Variants in NRG2 observed in about 807,000 individuals in gnomAD.
The protein encoded by NRG2 is pro-neuregulin-2, membrane-bound isoform.
Under a neutral mutation model 73.9 loss-of-function variants are expected in NRG2, and 27 were observed. The observed-to-expected ratio is 0.37, with a 90% CI of 0.27 to 0.50. The LOEUF (loss-of-function observed/expected upper bound fraction) is 0.50, where lower values mean the gene tolerates loss of function less well. Ranked by LOEUF, NRG2 falls within the 20% of genes least tolerant of loss-of-function variation. The probability of loss-of-function intolerance (pLI) is 0.96; values close to 1 mark genes in which losing one functional copy is unlikely to be tolerated. For synonymous variants in NRG2, 532 were observed against 541.0 expected (o/e 0.98, Z 0.23); for missense variants, 1,126 against 1,210.1 (o/e 0.93, Z 1.03).
At chr5:139,866,460 A>G (rs1056128747) in intron 4 of NRG2, among the ~76,000 whole-genome samples, 1 of 152,172 alleles carries the variant, frequency 6.6e-6, no homozygotes, top group African/African-American at 2.4e-5. Context: ...TAGTAGGGAA[A>G]TGGGAAGTTG....
intron 1 of NRG2, among the ~76,000 whole-genome samples, chr5:139,896,642 C>G (rs1314123344): frequency 1.3e-5 from 2 of 152,218 alleles, no homozygotes; most frequent in African/African-American, 2.4e-5. Context: ...TGCTCCTTCT[C>G]CTGGATTTCC....
At chr5:140,021,440 G>C (rs1416129753) in intron 1 of NRG2, among the ~76,000 whole-genome samples, 1 of 152,138 alleles carries the variant, frequency 6.6e-6, no homozygotes, top group African/African-American at 2.4e-5. Context: ...TGCTAGGAAT[G>C]GTCCTTTAAG....
At chr5:140,007,682 C>A (rs911484963) in intron 1 of NRG2, among the ~76,000 whole-genome samples, 2 of 152,214 alleles carry the variant, frequency 1.3e-5, no homozygotes, top group Admixed American at 6.5e-5. Context: ...CTCCACCCAA[C>A]CCCTGAGAAA....
intron 1 of NRG2, among the ~76,000 whole-genome samples, chr5:139,978,848 A>G (rs912913009): frequency 4.6e-5 from 7 of 152,146 alleles, no homozygotes; most frequent in South Asian, 2.1e-4. Context: ...ATGTCCATCA[A>G]TGATAGACTG....
At chr5:139,989,829 C>T (rs57456296) in intron 1 of NRG2, among the ~76,000 whole-genome samples, 3,691 of 150,396 alleles carry the variant, frequency 0.025, 113 homozygotes, top group African/African-American at 0.027. Flanking sequence ...TTGCCTTTTG[C>T]CCAGGCCGGA....
chr5:139,952,756 G>A (rs570029459), intron 1 of NRG2, among the ~76,000 whole-genome samples: 1 of 152,114 alleles, frequency 6.6e-6, no homozygotes, highest in East Asian at 1.9e-4. Context: ...GGAGTGGGGC[G>A]GTGCGTGTGT....
In NRG2 at chr5:139,851,477, T is replaced by G; in HGVS notation, c.1772+127A>C. The G allele has an allele frequency of 1.1e-6, 1 of 887,290 alleles. No individual in the cohort carries two copies. Among genetic ancestry groups the G allele is most frequent in the Non-Finnish European group, 1.7e-6 (1 of 578,114 alleles). 55.0% of individuals were successfully genotyped at this position (887,290 alleles called of 1,614,324 possible). A position where few individuals can be genotyped will look rare whatever the true frequency, so the allele number is the denominator to read the frequency against. ...CCATTTCACCTTTTCTAGGACCTTG[T>G]TTTCCCATATGAAAAATGGAGATGA... On this transcript the variant is annotated intron_variant, in intron 9 of 9. Transcript: ENST00000361474. The surrounding 1 kb of genome is among the most constrained non-coding windows in gnomAD (Gnocchi z 4.2).
At position 140,042,795 on chromosome 5, in the gene NRG2, C is replaced by A; in HGVS notation, c.275G>T (p.Gly92Val). Residue 92 changes from glycine to valine, a missense_variant, in exon 1 of 10, where the codon GGC becomes GTC. Coordinates refer to ENST00000361474, the MANE Select transcript of NRG2 (RefSeq NM_004883.3). The stretch of plus-strand genomic sequence containing the variant: ...GCCGGGGGCCGGGTCGCGCCTCATG[C>A]CGCCGGCGGCTGCGGCTCGCGAACG... ...AARSRAAAAG[G>V]MRRDPAPGFS... 6.6e-7 allele frequency: 1 copy of A among 1,508,682 alleles called. No individual in the cohort carries two copies. Among genetic ancestry groups the A allele is most frequent in the Non-Finnish European group, 8.8e-7 (1 of 1,130,342 alleles). The allele number at this position is 1,508,682 out of a possible 1,614,324, so 93.5% of individuals were successfully genotyped here.
chr5:139,983,419 C>T (rs560668063), intron 1 of NRG2, among the ~76,000 whole-genome samples: 4 of 152,306 alleles, frequency 2.6e-5, no homozygotes, highest in Admixed American at 1.3e-4. Flanking sequence ...GAAGGCGGGC[C>T]CATCTGGATC....
intron 1 of NRG2, among the ~76,000 whole-genome samples, chr5:139,929,232 C>T (rs989530091): frequency 1.3e-5 from 2 of 152,188 alleles, no homozygotes; most frequent in African/African-American, 4.8e-5. Flanking sequence ...CCCAAACATA[C>T]CTTACTTCCC....
Position 139,904,465 on chromosome 5 carries a change from GCAGCCT to G in NRG2, c.701-16960_701-16955del, listed in dbSNP as rs1216690201. 1.0e-6 allele frequency: 1 copy of G among 955,014 alleles called. No individual in the cohort carries two copies. Among genetic ancestry groups the G allele is most frequent in the East Asian group, 2.8e-5 (1 of 35,556 alleles). 59.2% of individuals were successfully genotyped at this position (955,014 alleles called of 1,614,324 possible). On this transcript the variant is annotated intron_variant, in intron 1 of 9. Coordinates refer to ENST00000361474, the MANE Select transcript of NRG2 (RefSeq NM_004883.3). This position sits in a 1 kb window ranked among gnomAD's most constrained non-coding sequence, Gnocchi z 6.0. ...CTGCCGCGCTGCGCCCCCGCCGCCTGCAGCCTCAGTGCCCGAGCGCGGCGCCTTTCT... is the reference window on the plus strand; with the variant it reads ...CTGCCGCGCTGCGCCCCCGCCGCCTGCAGTGCCCGAGCGCGGCGCCTTTCT...
Position 139,887,681 on chromosome 5 carries a change from A to G in NRG2, c.701-170T>C, listed in dbSNP as rs1039017550. 6.6e-6 allele frequency among the ~76,000 whole-genome samples: 1 copy of G among 152,210 alleles called. No individual in the cohort carries two copies. Among genetic ancestry groups the G allele is most frequent in the Admixed American group, 6.5e-5 (1 of 15,284 alleles). On this transcript the variant is annotated intron_variant, in intron 1 of 9. Transcript: ENST00000361474. This position sits in a 1 kb window ranked among gnomAD's most constrained non-coding sequence, Gnocchi z 4.5. Reference sequence around the variant, plus strand: ...TCCTAGTTCAATTCAATAAGCATTTATAATGAGTCTGTGATGACATCAATG... The same window carrying G: ...TCCTAGTTCAATTCAATAAGCATTTGTAATGAGTCTGTGATGACATCAATG...
chr5:139,927,262 T>A (rs1752126827), intron 1 of NRG2, among the ~76,000 whole-genome samples: 1 of 151,918 alleles, frequency 6.6e-6, no homozygotes, highest in Admixed American at 6.6e-5. Flanking sequence ...CAAGTGGGAG[T>A]AGCAGCCTTT....
At chr5:140,013,847 A>G (rs747309356) in intron 1 of NRG2, among the ~76,000 whole-genome samples, 120 of 152,298 alleles carry the variant, frequency 7.9e-4, no homozygotes, top group Admixed American at 1.7e-3. Flanking sequence ...ATTGGTGAAC[A>G]TTCTTCACTC....
At position 139,946,478 on chromosome 5, in the gene NRG2, G is replaced by A. The variant is rs181276186; in HGVS notation, c.701-58967C>T. Among the ~76,000 whole-genome samples, 153 of 152,068 alleles carry A rather than the reference G, an allele frequency of 1.0e-3. 3 individuals are homozygous for A. Among genetic ancestry groups the A allele is most frequent in the African/African-American group, 3.6e-3 (150 of 41,506 alleles). On this transcript the variant is annotated intron_variant, in intron 1 of 9. Coordinates refer to ENST00000361474, the MANE Select transcript of NRG2 (RefSeq NM_004883.3). Reference sequence around the variant, plus strand: ...CTGTATACAAAAACTAACTCAAAATGGATCAAAGACCTAAATGGAAGAGCT... The same window carrying A: ...CTGTATACAAAAACTAACTCAAAATAGATCAAAGACCTAAATGGAAGAGCT...
At chr5:139,967,974 A>AAAATAAATAAATAAATAAAT (rs58017535) in intron 1 of NRG2, among the ~76,000 whole-genome samples, 3 of 144,420 alleles carry the variant, frequency 2.1e-5, no homozygotes, top group African/African-American at 7.7e-5. Flanking sequence ...ATAAAACATA[A>AAAATAAATAAATAAATAAAT]AAATAAATAA....
At chr5:139,926,376 G>T (rs1161232193) in intron 1 of NRG2, among the ~76,000 whole-genome samples, 2 of 152,142 alleles carry the variant, frequency 1.3e-5, no homozygotes, top group African/African-American at 4.8e-5. Flanking sequence ...TGAGCCCTCT[G>T]CAGGGAGCAG....
Position 139,894,589 on chromosome 5 carries a change from T to C in NRG2, c.701-7078A>G, listed in dbSNP as rs1472136751. ...TCACAGGACAGACTCCCAAAGGGAGTGTATGCCCAGCTGGGCTGCTTAGCT... is the reference window on the plus strand; with the variant it reads ...TCACAGGACAGACTCCCAAAGGGAGCGTATGCCCAGCTGGGCTGCTTAGCT... On this transcript the variant is annotated intron_variant, in intron 1 of 9. Coordinates refer to ENST00000361474, the MANE Select transcript of NRG2 (RefSeq NM_004883.3). The surrounding 1 kb of genome is among the most constrained non-coding windows in gnomAD (Gnocchi z 5.0). 3.3e-5 allele frequency among the ~76,000 whole-genome samples: 5 copies of C among 151,520 alleles called. No individual in the cohort carries two copies. Among genetic ancestry groups the C allele is most frequent in the Non-Finnish European group, 7.4e-5 (5 of 67,906 alleles).
In NRG2 at chr5:139,859,830, C is replaced by T. The variant is rs139339895; in HGVS notation, c.1190-4052G>A. 1,057 of 1,562,260 alleles carry T rather than the reference C, an allele frequency of 6.8e-4. 2 individuals carry two copies. In the African/African-American group the frequency reaches 0.013, roughly 19 times the overall value. ...ACCAAACATTCAGCACACATGGCAT[C>T]GGAGGCTGTGGAGAGGGGCCACGCA... On this transcript the variant is annotated intron_variant, in intron 5 of 9. Transcript: ENST00000361474.
Sources: gnomAD v4.1 joint callset for allele counts (sites outside exome capture counted in the v4.1 genomes callset) on GRCh38, gnomAD v4.1.1 for gene constraint, Gnocchi (gnomAD v3.1) non-coding constraint, MANE v1.5 for transcripts, NCBI Gene and HGNC (gene_info 2026-07-23, HGNC 2026-07-21) for gene names.